FAM9C: variants seen among roughly 807,000 people sequenced by gnomAD.
The protein encoded by FAM9C is family with sequence similarity 9 member C, also known as protein FAM9C.
A neutral mutation model predicts 14.8 loss-of-function variants in FAM9C; 15 were observed. The observed-to-expected ratio is 1.02, with a 90% confidence interval of 0.68 to 1.56. The LOEUF (loss-of-function observed/expected upper bound fraction) is 1.56. FAM9C is among the 40% of genes most tolerant of loss of function. FAM9C has a pLI of 0.00. For missense variants in FAM9C, 116 were observed against 118.0 expected, an observed-to-expected ratio of 0.98 and a Z score of 0.08; for synonymous variants, 45 against 37.5, an observed-to-expected ratio of 1.20 and a Z score of -0.74.
rs746450378 is a variant in FAM9C at position 13,040,783 on chromosome X, C to A, written c.304G>T (p.Val102Phe). 1 of 1,186,583 alleles carries A rather than the reference C, an allele frequency of 8.4e-7. No homozygotes were observed. Among genetic ancestry groups the A allele is most frequent in the Admixed American group, 2.4e-5 (1 of 41,690 alleles). ...CSEIKNRIKN[V>F]LRTTQLKRQK... ...CTTTTTAGTTGTGTTGTTCTCAAAA[C>A]ATTTTTAATTCTGTTCTTTATTTCG... The change falls in exon 5 of 8, where the codon GTT becomes TTT. Residue 102 changes from valine to phenylalanine, a missense_variant. Coordinates refer to ENST00000380625, the MANE Select transcript of FAM9C (RefSeq NM_174901.6).
intron 7 of FAM9C, chrX:13,036,446 C>T (rs1020717033): frequency 2.7e-5 from 3 of 111,949 alleles, no homozygotes; most frequent in African/African-American, 9.7e-5. Flanking sequence ...GTCCAACAGT[C>T]ATGTACTTTG....
chrX:13,039,387 C>T (rs769996372), intron 6 of FAM9C, among the ~76,000 whole-genome samples: 65 of 111,066 alleles, frequency 5.9e-4, no homozygotes, highest in Non-Finnish European at 1.1e-3. Flanking sequence ...GGACCTGACG[C>T]CTATTGAATG....
At chrX:13,043,332 GA>G (rs1164041644) in intron 2 of FAM9C, 84 bp from the exon 3 acceptor site, 1 of 1,093,062 alleles carries the variant, frequency 9.1e-7, no homozygotes, top group Non-Finnish European at 1.2e-6. Flanking sequence ...ACTATTTGTA[GA>G]CTTTTTTGGC....
intron 5 of FAM9C, chrX:13,040,391 C>A (rs2043515474): frequency 1.8e-6 from 1 of 550,453 alleles, no homozygotes. Flanking sequence ...AACTTATTTA[C>A]AACACAAGGT....
At chrX:13,038,345 C>G (rs1310936840) in intron 7 of FAM9C, 71 bp downstream of exon 7, 5 of 844,349 alleles carry the variant, frequency 5.9e-6, no homozygotes. Flanking sequence ...CAGAAACAAG[C>G]AGATTGTCTT....
chrX:13,038,225 TTTATG>T, intron 7 of FAM9C, 186 bp downstream of exon 7: 1 of 318,186 alleles, frequency 3.1e-6, no homozygotes, highest in East Asian at 5.0e-5. Context: ...AAAATACTGT[TTTATG>T]TTATTTTATG....
At position 13,035,942 on chromosome X, in the gene FAM9C, G is replaced by A. The variant is rs1171140013; in HGVS notation, c.*102C>T. ...AGTTATGCATGTATCATATAACATAGGTTCAAGTTCTTTTGTCAGTCACCA... is the reference window on the plus strand; with the variant it reads ...AGTTATGCATGTATCATATAACATAAGTTCAAGTTCTTTTGTCAGTCACCA... On this transcript the variant is annotated 3_prime_UTR_variant, in exon 8 of 8. Transcript: ENST00000380625. The A allele has an allele frequency of 8.9e-6, 1 of 112,153 alleles. No individual in the cohort carries two copies. Among genetic ancestry groups the A allele is most frequent in the East Asian group, 2.8e-4 (1 of 3,636 alleles). The allele number at this position is 112,153 out of a possible 1,213,427, so 9.2% of individuals were successfully genotyped here.
chrX:13,038,328 A>G (rs773921059), intron 7 of FAM9C, 88 bp downstream of exon 7: 31 of 751,576 alleles, frequency 4.1e-5, no homozygotes, highest in Non-Finnish European at 5.4e-5. Context: ...ATGTCTTTCC[A>G]TACATTCAGA....
At chrX:13,036,990 C>T (rs1330505862) in intron 7 of FAM9C, 2 of 110,396 alleles carry the variant, frequency 1.8e-5, no homozygotes, top group Admixed American at 9.8e-5. Flanking sequence ...ATGGAGAGGT[C>T]GTTCAGAGAA....
chrX:13,039,734 G>A (rs1391254951), intron 6 of FAM9C, 74 bp downstream of exon 6: 1 of 1,134,672 alleles, frequency 8.8e-7, no homozygotes, highest in Non-Finnish European at 1.2e-6. Context: ...TTCTTTGCTG[G>A]ATTTCTGCAT....
intron 7 of FAM9C, chrX:13,037,317 T>C (rs1257063339): frequency 1.8e-5 from 2 of 112,447 alleles, no homozygotes; most frequent in Admixed American, 1.9e-4. Context: ...TTAAGGACCA[T>C]TGCAGAGTAA....
At chrX:13,040,331 C>T in intron 5 of FAM9C, 1 of 765,532 alleles carries the variant, frequency 1.3e-6, no homozygotes, top group Non-Finnish European at 1.5e-6. Context: ...TCCACTTTGG[C>T]ACGACAATGA....
intron 7 of FAM9C, chrX:13,037,578 T>G (rs1422287679): frequency 8.8e-6 from 1 of 113,042 alleles, no homozygotes; most frequent in East Asian, 2.8e-4. Context: ...AATTCTATTT[T>G]CAAACTCTTT....
intron 6 of FAM9C, among the ~76,000 whole-genome samples, chrX:13,039,372 T>G (rs1260133267): frequency 2.7e-5 from 3 of 111,064 alleles, no homozygotes; most frequent in African/African-American, 9.9e-5. Flanking sequence ...CTCAGGAGTC[T>G]GTAGGGACCT....
chrX:13,038,184 A>G (rs1230006908), intron 7 of FAM9C: 1 of 265,335 alleles, frequency 3.8e-6, no homozygotes, highest in African/African-American at 2.8e-5. Flanking sequence ...CCTGTTCTAA[A>G]TAACTCCTAC....
At chrX:13,043,632 G>T (rs2043548572) in intron 2 of FAM9C, 97 bp downstream of exon 2, 1 of 1,047,932 alleles carries the variant, frequency 9.5e-7, no homozygotes, top group African/African-American at 1.8e-5. Context: ...GCCACGAAGG[G>T]GCCGGGGGCC....
In FAM9C at chrX:13,042,463, G is replaced by T. The variant is rs763213201; in HGVS notation, c.214+455C>A. 3.9e-5 allele frequency: 5 copies of T among 128,293 alleles called. No individual in the cohort carries two copies. In the Admixed American group the frequency reaches 4.4e-4, roughly 11 times the overall value. 10.6% of individuals were successfully genotyped at this position (128,293 alleles called of 1,213,427 possible). ...GTGAGGATGGAAAACCACCCATCAG[G>T]TACGATGCTTATAATCTGGGTGACA... On this transcript the variant is annotated intron_variant, in intron 4 of 7. Transcript: ENST00000380625.
intron 2 of FAM9C, 62 bp from the exon 3 acceptor site, chrX:13,043,310 A>G: frequency 8.7e-7 from 1 of 1,143,512 alleles, no homozygotes. Context: ...GACATTTTTC[A>G]TAGAGAAACG....
chrX:13,037,674 T>C (rs910661891), intron 7 of FAM9C: 5 of 112,513 alleles, frequency 4.4e-5, no homozygotes, highest in African/African-American at 1.3e-4. Context: ...AAGAATATCT[T>C]ACCTCCCAGA....
Sources: gnomAD v4.1 joint callset for allele counts (sites outside exome capture counted in the v4.1 genomes callset) on GRCh38, gnomAD v4.1.1 for gene constraint, MANE v1.5 for transcripts, NCBI Gene and HGNC (gene_info 2026-07-23, HGNC 2026-07-21) for gene names.